The following PARD6G variants were observed in gnomAD, a reference collection of about 807,000 sequenced individuals.
The protein encoded by PARD6G is partitioning defective 6 homolog gamma.
PARD6G carries 7 observed loss-of-function variants against 10.7 expected under a neutral mutation model. That is an observed-to-expected ratio of 0.66 (90% CI 0.37 to 1.23). The LOEUF is 1.23. Among genes scored for constraint, PARD6G ranks in the 50% most tolerant of loss-of-function variants. The probability of loss-of-function intolerance (pLI) is 0.02; values close to 1 mark genes in which losing one functional copy is unlikely to be tolerated. For synonymous variants in PARD6G, 287 were observed against 269.4 expected (o/e 1.07, Z -0.64); for missense variants, 548 against 571.8 (o/e 0.96, Z 0.42).
At chr18:80,163,432 C>T (rs2052714204) in intron 2 of PARD6G, among the ~76,000 whole-genome samples, 1 of 129,470 alleles carries the variant, frequency 7.7e-6, no homozygotes, top group Non-Finnish European at 1.6e-5. Flanking sequence ...TCCTCTTTCT[C>T]TCTACCACTG....
At chr18:80,205,857 T>C (rs950837482) in intron 1 of PARD6G, among the ~76,000 whole-genome samples, 29 of 152,244 alleles carry the variant, frequency 1.9e-4, no homozygotes, top group African/African-American at 6.3e-4. Context: ...TATCACTATA[T>C]GGCTTTCGTT....
At chr18:80,213,945 T>G (rs1266121665) in intron 1 of PARD6G, among the ~76,000 whole-genome samples, 2 of 23,486 alleles carry the variant, frequency 8.5e-5, no homozygotes, top group African/African-American at 2.7e-4. Context: ...AGACTCCATC[T>G]CAAAAAAAAA....
intron 1 of PARD6G, among the ~76,000 whole-genome samples, chr18:80,237,143 A>C (rs1436298577): frequency 1.4e-5 from 2 of 144,726 alleles, no homozygotes; most frequent in Non-Finnish European, 2.9e-5. Flanking sequence ...TACTGGTACC[A>C]AAAAAAGAGA....
intron 2 of PARD6G, among the ~76,000 whole-genome samples, chr18:80,191,943 T>C (rs1429324088): frequency 1.3e-5 from 2 of 152,226 alleles, no homozygotes; most frequent in Non-Finnish European, 2.9e-5. Flanking sequence ...TGTTCCAAGA[T>C]AGGGATTTAT....
At chr18:80,212,214 G>A (rs1461327478) in intron 1 of PARD6G, among the ~76,000 whole-genome samples, 2 of 152,172 alleles carry the variant, frequency 1.3e-5, no homozygotes, top group Non-Finnish European at 2.9e-5. Context: ...CCTTGTGGGT[G>A]TGTATGTGAG....
chr18:80,207,889 G>T (rs1472653113), intron 1 of PARD6G, among the ~76,000 whole-genome samples: 1 of 152,170 alleles, frequency 6.6e-6, no homozygotes, highest in East Asian at 1.9e-4. Context: ...AAAATCTCTT[G>T]AGGGAGTAAT....
intron 2 of PARD6G, among the ~76,000 whole-genome samples, chr18:80,173,838 G>A (rs1022780639): frequency 4.6e-5 from 7 of 152,336 alleles, no homozygotes; most frequent in African/African-American, 1.7e-4. Flanking sequence ...TCCCCAGCAA[G>A]TTTGCTCAGC....
intron 1 of PARD6G, among the ~76,000 whole-genome samples, chr18:80,232,815 A>G (rs1003567866): frequency 6.6e-6 from 1 of 152,196 alleles, no homozygotes; most frequent in Non-Finnish European, 1.5e-5. Flanking sequence ...GAGAGGGTCT[A>G]AGATGCATGA....
chr18:80,190,407 C>G (rs959331241), intron 2 of PARD6G, among the ~76,000 whole-genome samples: 1 of 152,156 alleles, frequency 6.6e-6, no homozygotes, highest in Non-Finnish European at 1.5e-5. Context: ...AGAGTCTGTT[C>G]CCAGTGGGCA....
chr18:80,189,688 G>A lies in PARD6G; in HGVS notation c.295+13022C>T, dbSNP rs541069956. Among the ~76,000 whole-genome samples the A allele has an allele frequency of 2.5e-4, 38 of 152,182 alleles. No individual in the cohort carries two copies. Among genetic ancestry groups the A allele is most frequent in the Admixed American group, 3.9e-4 (6 of 15,282 alleles). ...TCTGGACAAAAACAGCTTCAAGCAC[G>A]TCCCCTGGGAGTCCCCCGTCCGTCG... is the stretch of plus-strand genomic sequence containing the variant. On this transcript the variant is annotated intron_variant, in intron 2 of 2. Transcript: ENST00000353265. The surrounding 1 kb of genome is among the most constrained non-coding windows in gnomAD (Gnocchi z 5.5).
At chr18:80,233,790 A>G (rs1306865103) in intron 1 of PARD6G, among the ~76,000 whole-genome samples, 4 of 152,184 alleles carry the variant, frequency 2.6e-5, no homozygotes, top group Non-Finnish European at 5.9e-5. Context: ...CTGTCTCAGA[A>G]GCAAAGGCAA....
At chr18:80,165,483 T>G (rs934577953) in intron 2 of PARD6G, among the ~76,000 whole-genome samples, 19 of 152,256 alleles carry the variant, frequency 1.2e-4, no homozygotes, top group Admixed American at 5.9e-4. Context: ...TTTTACAATT[T>G]GTACAGTTAA....
chr18:80,188,330 G>T lies in PARD6G; in HGVS notation c.295+14380C>A, dbSNP rs994102833. Reference sequence around the variant, plus strand: ...AGATTCAAAGACTGAACCTACATGGGTGTCTTGGGGAACAGAGACTTGGAT... The same window carrying T: ...AGATTCAAAGACTGAACCTACATGGTTGTCTTGGGGAACAGAGACTTGGAT... On this transcript the variant is annotated intron_variant, in intron 2 of 2. Transcript: ENST00000353265. This position sits in a 1 kb window ranked among gnomAD's most constrained non-coding sequence, Gnocchi z 5.4. 2.0e-5 allele frequency among the ~76,000 whole-genome samples: 3 copies of T among 152,318 alleles called. No homozygotes were observed. Among genetic ancestry groups the T allele is most frequent in the Admixed American group, 2.0e-4 (3 of 15,312 alleles).
intron 1 of PARD6G, among the ~76,000 whole-genome samples, chr18:80,229,313 A>C (rs551065609): frequency 7.2e-5 from 11 of 152,224 alleles, no homozygotes; most frequent in Admixed American, 3.3e-4. Flanking sequence ...CACACACACA[A>C]AAACACAACA....
intron 2 of PARD6G, among the ~76,000 whole-genome samples, chr18:80,165,603 CT>C (rs2052730531): frequency 6.6e-6 from 1 of 152,288 alleles, no homozygotes; most frequent in South Asian, 2.1e-4. Flanking sequence ...TATTTGGGAA[CT>C]GATAAATGTC....
Position 80,183,060 on chromosome 18 carries a change from G to A in PARD6G, c.295+19650C>T, listed in dbSNP as rs1424147374. 4.3e-6 allele frequency: 3 copies of A among 702,178 alleles called. No individual in the cohort carries two copies. The highest frequency in any genetic ancestry group is 7.8e-6 in the Non-Finnish European group (3 of 384,888). 43.5% of individuals were successfully genotyped at this position (702,178 alleles called of 1,614,324 possible). ...GCGTGGGCCATCCATTCTCTACCAT[G>A]GCATGCCGACAACAGGGGCACAGAG... On this transcript the variant is annotated intron_variant, in intron 2 of 2. Coordinates refer to ENST00000353265, the MANE Select transcript of PARD6G (RefSeq NM_032510.4). This position sits in a 1 kb window ranked among gnomAD's most constrained non-coding sequence, Gnocchi z 4.5.
At chr18:80,212,153 G>A (rs534453859) in intron 1 of PARD6G, among the ~76,000 whole-genome samples, 9 of 152,116 alleles carry the variant, frequency 5.9e-5, no homozygotes, top group South Asian at 2.1e-4. Context: ...TTCCTCCCAC[G>A]TCCCAAAGAT....
rs1226807034 is a variant in PARD6G at position 80,183,152 on chromosome 18, T to C, written c.295+19558A>G. ...TTCCTGGTCGCAGGGCTCCGTCATC[T>C]GCAGGAAAATTAGTGAAGAAGTGGA... On this transcript the variant is annotated intron_variant, in intron 2 of 2. Coordinates refer to ENST00000353265, the MANE Select transcript of PARD6G (RefSeq NM_032510.4). The surrounding 1 kb of genome is among the most constrained non-coding windows in gnomAD (Gnocchi z 4.5). 1.4e-6 allele frequency: 1 copy of C among 703,018 alleles called. No homozygotes were observed. Among genetic ancestry groups the C allele is most frequent in the Non-Finnish European group, 2.6e-6 (1 of 384,998 alleles). The allele number at this position is 703,018 out of a possible 1,614,324, so 43.5% of individuals were successfully genotyped here. A position where few individuals can be genotyped will look rare whatever the true frequency, so the allele number is the denominator to read the frequency against.
Position 80,175,673 on chromosome 18 carries a change from G to C in PARD6G, c.296-15067C>G, listed in dbSNP as rs1279616348. On this transcript the variant is annotated intron_variant, in intron 2 of 2. Transcript: ENST00000353265. This position sits in a 1 kb window ranked among gnomAD's most constrained non-coding sequence, Gnocchi z 6.7. ...TATCTGAGTCACGTTCTCTGTCAGG[G>C]CACAACCCTCGTTCCACCACCGCAG... 1.3e-5 allele frequency among the ~76,000 whole-genome samples: 2 copies of C among 152,104 alleles called. No individual in the cohort carries two copies. Among genetic ancestry groups the C allele is most frequent in the Non-Finnish European group, 2.9e-5 (2 of 68,028 alleles).
Sources: gnomAD v4.1 joint callset for allele counts (sites outside exome capture counted in the v4.1 genomes callset) on GRCh38, gnomAD v4.1.1 for gene constraint, Gnocchi (gnomAD v3.1) non-coding constraint, MANE v1.5 for transcripts, NCBI Gene and HGNC (gene_info 2026-07-23, HGNC 2026-07-21) for gene names.